ZRANB3: variants seen among roughly 807,000 people sequenced by gnomAD.
ZRANB3 encodes zinc finger RANBP2-type containing 3.
Under a neutral mutation model 133.8 loss-of-function variants are expected in ZRANB3, and 125 were observed. The observed-to-expected ratio is 0.93, with a 90% CI of 0.81 to 1.08. The LOEUF is 1.08. Ranked by LOEUF, ZRANB3 falls within the 50% of genes least tolerant of loss-of-function variation. The probability of loss-of-function intolerance (pLI) is 0.00; values close to 1 mark genes in which losing one functional copy is unlikely to be tolerated. For missense variants in ZRANB3, 1,229 were observed against 1,275.5 expected, an observed-to-expected ratio of 0.96 and a Z score of 0.56; for synonymous variants, 387 against 432.7, an observed-to-expected ratio of 0.89 and a Z score of 1.31.
chr2:135,451,782 TAGA>T (rs1690284342), intron 2 of ZRANB3, among the ~76,000 whole-genome samples: 2 of 152,158 alleles, frequency 1.3e-5, no homozygotes, highest in Admixed American at 1.3e-4. Context: ...ATTCCATATG[TAGA>T]AGAAGCTAGA....
intron 8 of ZRANB3, among the ~76,000 whole-genome samples, chr2:135,283,657 TG>T (rs1681207003): frequency 1.3e-5 from 2 of 151,570 alleles, no homozygotes; most frequent in African/African-American, 4.9e-5. Context: ...AAAACATTCT[TG>T]ATTTATTTCT....
intron 2 of ZRANB3, among the ~76,000 whole-genome samples, chr2:135,498,515 C>T (rs573947901): frequency 5.9e-5 from 9 of 152,206 alleles, no homozygotes; most frequent in East Asian, 5.8e-4. Flanking sequence ...GTGATGATTG[C>T]GTTAACTGCA....
In ZRANB3 at chr2:135,230,900, G is replaced by A. The variant is rs773841021; in HGVS notation, c.1567C>T (p.Arg523Ter). The change falls in exon 13 of 21, where the codon CGA becomes TGA. Residue 523 changes from arginine to a stop codon, truncating the protein, a stop_gained. Coordinates refer to ENST00000264159, the MANE Select transcript of ZRANB3 (RefSeq NM_032143.4). LOFTEE classifies it high-confidence loss of function. ...HFEKEKQHDI[R>*]SFFVPQPKKR... ...TTAGGTTGTGGTACAAAAAATGATC[G>A]AATATCATGCTGTTTTTCTTTTTCG... is the stretch of plus-strand genomic sequence containing the variant. 8.3e-6 allele frequency: 13 copies of A among 1,573,018 alleles called. No homozygotes were observed. The highest frequency in any genetic ancestry group is 5.5e-5 in the African/African-American group (4 of 73,054).
intron 8 of ZRANB3, among the ~76,000 whole-genome samples, chr2:135,286,467 G>A (rs1344824354): frequency 4.6e-5 from 7 of 152,148 alleles, no homozygotes; most frequent in African/African-American, 1.7e-4. Context: ...TGGTAGTGAC[G>A]GGGTTTCACC....
chr2:135,277,935 A>AC (rs1680919836), intron 8 of ZRANB3, among the ~76,000 whole-genome samples: 1 of 147,180 alleles, frequency 6.8e-6, no homozygotes, highest in African/African-American at 2.6e-5. Flanking sequence ...AAAAAAAACA[A>AC]AAAAAAAAAA....
At chr2:135,330,469 G>A (rs1196635616) in intron 6 of ZRANB3, among the ~76,000 whole-genome samples, 1 of 152,116 alleles carries the variant, frequency 6.6e-6, no homozygotes. Context: ...ATTTTATTAA[G>A]GATTTTCGCA....
Position 135,286,985 on chromosome 2 carries a change from A to G in ZRANB3, c.967-11230T>C, listed in dbSNP as rs1159773293. On this transcript the variant is annotated intron_variant, in intron 8 of 20. Transcript: ENST00000264159. ...TTTGCTTTTGGGTTCTTGGTCATGAACTCTTTGCCTAGGCCAATATCTAGA... is the reference window on the plus strand; with the variant it reads ...TTTGCTTTTGGGTTCTTGGTCATGAGCTCTTTGCCTAGGCCAATATCTAGA... Among the ~76,000 whole-genome samples, 4 of 151,434 alleles carry G rather than the reference A, an allele frequency of 2.6e-5. No homozygotes were observed. The South Asian group carries it at 8.4e-4, about 32-fold the overall frequency.
At chr2:135,391,645 T>A (rs1687240283) in intron 2 of ZRANB3, among the ~76,000 whole-genome samples, 1 of 151,334 alleles carries the variant, frequency 6.6e-6, no homozygotes. Context: ...AGTGGTGCGA[T>A]CTCCGCTCAC....
intron 2 of ZRANB3, among the ~76,000 whole-genome samples, chr2:135,419,001 G>A (rs1011423215): frequency 7.3e-6 from 1 of 136,944 alleles, no homozygotes; most frequent in African/African-American, 2.8e-5. Context: ...GCAGTGGTGC[G>A]ATCTCGGCTC....
At chr2:135,259,009 T>C (rs949021469) in intron 12 of ZRANB3, among the ~76,000 whole-genome samples, 5 of 152,164 alleles carry the variant, frequency 3.3e-5, no homozygotes, top group Non-Finnish European at 7.3e-5. Context: ...TAAAAACGTG[T>C]TTTCTTTTTG....
At chr2:135,381,966 A>G (rs1326501303) in intron 3 of ZRANB3, among the ~76,000 whole-genome samples, 8 of 152,352 alleles carry the variant, frequency 5.3e-5, no homozygotes, top group Non-Finnish European at 1.2e-4. Flanking sequence ...GCAGCCCCTC[A>G]CCAGCAACAG....
chr2:135,408,890 G>T (rs1236651747), intron 2 of ZRANB3, among the ~76,000 whole-genome samples: 1 of 152,072 alleles, frequency 6.6e-6, no homozygotes, highest in Non-Finnish European at 1.5e-5. Flanking sequence ...ACAAATTAGT[G>T]GGTGCAGCAC....
chr2:135,503,204 T>A (rs188994319), intron 2 of ZRANB3, among the ~76,000 whole-genome samples: 5 of 152,354 alleles, frequency 3.3e-5, no homozygotes, highest in African/African-American at 9.6e-5. Flanking sequence ...ATACGAATTC[T>A]GGTTAATCAT....
At chr2:135,407,359 G>T (rs1259615477) in intron 2 of ZRANB3, among the ~76,000 whole-genome samples, 1 of 151,942 alleles carries the variant, frequency 6.6e-6, no homozygotes, top group Non-Finnish European at 1.5e-5. Context: ...CATGCTCATG[G>T]GTAGGAAGAA....
At chr2:135,472,658 C>G (rs989405805) in intron 2 of ZRANB3, among the ~76,000 whole-genome samples, 12 of 152,038 alleles carry the variant, frequency 7.9e-5, no homozygotes, top group Non-Finnish European at 1.5e-4. Context: ...TTCATCATAA[C>G]AAGAATCTGC....
intron 8 of ZRANB3, among the ~76,000 whole-genome samples, chr2:135,312,040 T>A (rs950647392): frequency 1.3e-5 from 2 of 151,936 alleles, no homozygotes; most frequent in Admixed American, 6.6e-5. Flanking sequence ...GACAGGAATA[T>A]CTCTATTTTC....
At chr2:135,321,473 GA>G (rs1349481822) in intron 6 of ZRANB3, among the ~76,000 whole-genome samples, 8 of 141,030 alleles carry the variant, frequency 5.7e-5, no homozygotes, top group African/African-American at 2.1e-4. Flanking sequence ...TGAGTTTTGG[GA>G]TTTTTTTTTT....
intron 2 of ZRANB3, among the ~76,000 whole-genome samples, chr2:135,413,683 T>C (rs1372847182): frequency 1.3e-5 from 2 of 152,096 alleles, no homozygotes; most frequent in Non-Finnish European, 1.5e-5. Context: ...TTTACAGAAA[T>C]GCAACAGACT....
chr2:135,413,404 C>T (rs1688400937), intron 2 of ZRANB3, among the ~76,000 whole-genome samples: 1 of 152,178 alleles, frequency 6.6e-6, no homozygotes, highest in African/African-American at 2.4e-5. Flanking sequence ...TAAGGCCAAT[C>T]ACATTTCCTT....
Sources: allele counts gnomAD v4.1 joint callset (sites outside exome capture counted in the v4.1 genomes callset), GRCh38; gene constraint gnomAD v4.1.1; transcripts MANE v1.5; gene names NCBI Gene and HGNC (gene_info 2026-07-23, HGNC 2026-07-21).